Variants in DEPDC5 observed in about 807,000 individuals in gnomAD.
The protein encoded by DEPDC5 is GATOR1 complex protein DEPDC5.
A neutral mutation model predicts 217.3 loss-of-function variants in DEPDC5; 73 were observed. The ratio of observed to expected loss-of-function variants is 0.34; its 90% CI spans 0.28 to 0.41. The LOEUF (loss-of-function observed/expected upper bound fraction) is 0.41, where lower values mean the gene tolerates loss of function less well. Ranked by LOEUF, DEPDC5 falls within the 10% of genes least tolerant of loss-of-function variation. The pLI is 1.00. For missense variants in DEPDC5, 1,675 were observed against 2,070.1 expected, an observed-to-expected ratio of 0.81 and a Z score of 3.70; for synonymous variants, 733 against 756.7, an observed-to-expected ratio of 0.97 and a Z score of 0.51.
intron 40 of DEPDC5, 35 bp downstream of exon 40, chr22:31,897,688 C>G (rs2093577664): frequency 6.2e-7 from 1 of 1,607,280 alleles, no homozygotes. Flanking sequence ...TTGTCTCAAC[C>G]AGTAAGACCC....
chr22:31,799,809 T>C (rs1411278501), intron 14 of DEPDC5, among the ~76,000 whole-genome samples: 8 of 131,942 alleles, frequency 6.1e-5, no homozygotes, highest in Non-Finnish European at 9.6e-5. Context: ...CTTTTTTTTT[T>C]TTTTTTTTTT....
chr22:31,887,971 CCT>C (rs1318262688), intron 38 of DEPDC5, among the ~76,000 whole-genome samples: 1 of 151,990 alleles, frequency 6.6e-6, no homozygotes, highest in East Asian at 1.9e-4. Flanking sequence ...GTGACTTGTC[CCT>C]TTTTTTGTTT....
intron 24 of DEPDC5, among the ~76,000 whole-genome samples, chr22:31,824,819 A>T (rs1048776773): frequency 2.6e-5 from 4 of 151,972 alleles, no homozygotes; most frequent in African/African-American, 7.3e-5. Flanking sequence ...ATACAAAAAA[A>T]AAATAAAATA....
chr22:31,852,477 A>G (rs2092083071), intron 31 of DEPDC5, among the ~76,000 whole-genome samples: 1 of 151,346 alleles, frequency 6.6e-6, no homozygotes, highest in Non-Finnish European at 1.5e-5. Context: ...AGAAGCTGGG[A>G]TTACAGGCAT....
intron 37 of DEPDC5, among the ~76,000 whole-genome samples, chr22:31,877,749 CAAAAAAAAAA>C (rs136870): frequency 3.2e-5 from 2 of 62,862 alleles, no homozygotes; most frequent in African/African-American, 6.3e-5. Context: ...GACTCCATCT[CAAAAAAAAAA>C]AAAAAAAAAA....
chr22:31,768,816 C>A lies in DEPDC5; in HGVS notation c.366C>A (p.Val122=), dbSNP rs770738326. ...CCCCTCTCTCCCCCTCCTCTTAGGTCAGCACATGTGCCTATATCACCCAGA... is the reference window on the plus strand; with the variant it reads ...CCCCTCTCTCCCCCTCCTCTTAGGTAAGCACATGTGCCTATATCACCCAGA... ...GDMWRLKKSL[V]STCAYITQKV... The change falls in exon 7 of 43, where the codon GTC becomes GTA. Residue 122 remains valine (V), a splice_region_variant and synonymous_variant. Coordinates refer to ENST00000651528, the MANE Select transcript of DEPDC5 (RefSeq NM_001242896.3). 16 of 1,613,146 alleles carry A rather than the reference C, an allele frequency of 9.9e-6. No individual in the cohort carries two copies.
chr22:31,775,985 G>T (rs1044226202), intron 7 of DEPDC5, among the ~76,000 whole-genome samples: 2 of 145,442 alleles, frequency 1.4e-5, no homozygotes, highest in African/African-American at 5.1e-5. Context: ...AGGTTGCAGT[G>T]AGCTGAGATC....
At chr22:31,870,963 A>T (rs1218615109) in intron 34 of DEPDC5, among the ~76,000 whole-genome samples, 1 of 152,196 alleles carries the variant, frequency 6.6e-6, no homozygotes, top group Non-Finnish European at 1.5e-5. Context: ...TCCCACAGAG[A>T]TGTAGGAAAG....
intron 12 of DEPDC5, among the ~76,000 whole-genome samples, chr22:31,795,028 T>A (rs1442046471): frequency 6.6e-6 from 1 of 151,668 alleles, no homozygotes; most frequent in African/African-American, 2.4e-5. Flanking sequence ...AGGAGAAAAA[T>A]TAGTTTTCAT....
At chr22:31,804,802 G>A in intron 16 of DEPDC5, 40 bp from the exon 17 acceptor site, 2 of 1,592,900 alleles carry the variant, frequency 1.3e-6, no homozygotes, top group African/African-American at 1.3e-5. Context: ...AAACCTACTT[G>A]TTCTGTAGCT....
chr22:31,842,442 G>C (rs1317725329), intron 27 of DEPDC5, among the ~76,000 whole-genome samples: 1 of 152,148 alleles, frequency 6.6e-6, no homozygotes, highest in Admixed American at 6.5e-5. Context: ...TGGGGTGGTG[G>C]AGCGTGCCTG....
intron 21 of DEPDC5, among the ~76,000 whole-genome samples, chr22:31,818,294 A>G (rs1453542007): frequency 6.6e-6 from 1 of 152,080 alleles, no homozygotes; most frequent in Non-Finnish European, 1.5e-5. Context: ...TAGCATAATA[A>G]CATTTTATTG....
intron 33 of DEPDC5, among the ~76,000 whole-genome samples, chr22:31,865,494 CAA>C (rs2092665863): frequency 6.7e-6 from 1 of 149,032 alleles, no homozygotes; most frequent in African/African-American, 2.5e-5. Flanking sequence ...AGACCTGTCT[CAA>C]AACAAAACAA....
At chr22:31,843,382 T>C (rs2091515229) in intron 28 of DEPDC5, among the ~76,000 whole-genome samples, 170 bp downstream of exon 28, 1 of 152,172 alleles carries the variant, frequency 6.6e-6, no homozygotes. Context: ...CTTACCTACT[T>C]CCAAAAGGGA....
chr22:31,881,681 C>T (rs937237616), intron 38 of DEPDC5, among the ~76,000 whole-genome samples: 2 of 152,000 alleles, frequency 1.3e-5, no homozygotes, highest in Non-Finnish European at 2.9e-5. Context: ...GCATGTGGCT[C>T]ATGCATGTAA....
Position 31,835,173 on chromosome 22 carries a change from G to A in DEPDC5, c.2170+1193G>A, listed in dbSNP as rs549687003. Among the ~76,000 whole-genome samples the A allele has an allele frequency of 2.6e-5, 4 of 152,250 alleles. No homozygotes were observed. In the South Asian group the frequency reaches 8.3e-4, roughly 32 times the overall value. ...TAATACATAATACATGGTGCAGCAG[G>A]TGTATTTTTTCTTTTGGTTAATGTC... On this transcript the variant is annotated intron_variant, in intron 25 of 42. Transcript: ENST00000651528.
intron 31 of DEPDC5, among the ~76,000 whole-genome samples, chr22:31,850,071 A>G (rs978995167): frequency 6.6e-6 from 1 of 152,076 alleles, no homozygotes; most frequent in African/African-American, 2.4e-5. Flanking sequence ...GTGAGCCGAG[A>G]TTGTGCCACT....
At chr22:31,811,077 T>C (rs1360327676) in intron 20 of DEPDC5, among the ~76,000 whole-genome samples, 2 of 151,994 alleles carry the variant, frequency 1.3e-5, no homozygotes, top group African/African-American at 4.8e-5. Flanking sequence ...GCCTGGCTTG[T>C]TTTGTTTTTT....
At chr22:31,841,671 T>A (rs2091399822) in intron 27 of DEPDC5, among the ~76,000 whole-genome samples, 1 of 152,232 alleles carries the variant, frequency 6.6e-6, no homozygotes, top group Admixed American at 6.5e-5. Context: ...GTTACACTTC[T>A]ATGCAAACGT....
Sources: gnomAD v4.1 joint callset for allele counts (sites outside exome capture counted in the v4.1 genomes callset) on GRCh38, gnomAD v4.1.1 for gene constraint, MANE v1.5 for transcripts, NCBI Gene and HGNC (gene_info 2026-07-23, HGNC 2026-07-21) for gene names.